The following SNTG1 variants were observed in gnomAD, a reference collection of about 807,000 sequenced individuals.
SNTG1 encodes syntrophin gamma 1, also known as gamma-1-syntrophin.
SNTG1 carries 39 observed loss-of-function variants against 74.7 expected under a neutral mutation model. The observed-to-expected ratio is 0.52, with a 90% CI of 0.40 to 0.68. SNTG1 has a LOEUF of 0.68. Among genes scored for constraint, SNTG1 ranks in the 30% least tolerant of loss-of-function variants. The probability of loss-of-function intolerance (pLI) is 0.00; values close to 1 mark genes in which losing one functional copy is unlikely to be tolerated. For synonymous variants in SNTG1, 254 were observed against 217.1 expected, an observed-to-expected ratio of 1.17 and a Z score of -1.49; for missense variants, 685 against 609.5, an observed-to-expected ratio of 1.12 and a Z score of -1.30.
intron 18 of SNTG1, among the ~76,000 whole-genome samples, chr8:50,765,061 G>A (rs898327873): frequency 1.2e-4 from 18 of 151,944 alleles, no homozygotes; most frequent in African/African-American, 3.4e-4. Context: ...TCAAAACCAT[G>A]GAACTCTCAG....
At chr8:50,553,425 A>G (rs541506738) in intron 12 of SNTG1, among the ~76,000 whole-genome samples, 6 of 152,326 alleles carry the variant, frequency 3.9e-5, no homozygotes, top group African/African-American at 1.2e-4. Context: ...AATGAAAATA[A>G]CTAGTTAGCA....
At chr8:50,306,374 T>C (rs979989135) in intron 2 of SNTG1, among the ~76,000 whole-genome samples, 1 of 152,098 alleles carries the variant, frequency 6.6e-6, no homozygotes, top group African/African-American at 2.4e-5. Flanking sequence ...CATGTGTCTT[T>C]TTCATATAAT....
At chr8:50,024,551 C>T (rs1216000478) in intron 1 of SNTG1, among the ~76,000 whole-genome samples, 1 of 152,130 alleles carries the variant, frequency 6.6e-6, no homozygotes, top group Admixed American at 6.5e-5. Flanking sequence ...GAAACACGTT[C>T]CAGGACTTCC....
intron 12 of SNTG1, among the ~76,000 whole-genome samples, chr8:50,563,355 T>C (rs1563580543): frequency 6.6e-6 from 1 of 152,144 alleles, no homozygotes; most frequent in South Asian, 2.1e-4. Context: ...GAAAAACACA[T>C]TTAGCTACAG....
At chr8:50,045,129 C>A (rs949936159) in intron 1 of SNTG1, among the ~76,000 whole-genome samples, 1 of 152,118 alleles carries the variant, frequency 6.6e-6, no homozygotes, top group African/African-American at 2.4e-5. Flanking sequence ...AGTCAGAAAA[C>A]GTGGGTTGAC....
At chr8:50,247,988 C>T (rs2086476125) in intron 2 of SNTG1, among the ~76,000 whole-genome samples, 1 of 152,070 alleles carries the variant, frequency 6.6e-6, no homozygotes, top group Non-Finnish European at 1.5e-5. Context: ...CTTTCCTTGG[C>T]TTATATATGG....
At position 50,457,397 on chromosome 8, in the gene SNTG1, T is replaced by C. The variant is rs189136929; in HGVS notation, c.363+6668T>C. 2.6e-5 allele frequency among the ~76,000 whole-genome samples: 4 copies of C among 152,306 alleles called. No individual in the cohort carries two copies. The East Asian group carries it at 7.7e-4, about 29-fold the overall frequency. On this transcript the variant is annotated intron_variant, in intron 8 of 18. Coordinates refer to ENST00000642720, the MANE Select transcript of SNTG1 (RefSeq NM_018967.5). ...AGATCTTAATAAGAGGGGAACTCTT[T>C]GTATTCCTGACTCTTTCCGAATTCT...
intron 1 of SNTG1, among the ~76,000 whole-genome samples, chr8:50,006,955 G>A (rs1815298739): frequency 6.6e-6 from 1 of 152,072 alleles, no homozygotes; most frequent in Non-Finnish European, 1.5e-5. Context: ...GGAGTCTTAG[G>A]CCCTAGGGGA....
At chr8:50,397,716 A>G (rs188091041) in intron 3 of SNTG1, among the ~76,000 whole-genome samples, 148 of 152,332 alleles carry the variant, frequency 9.7e-4, no homozygotes, top group Non-Finnish European at 1.5e-3. Context: ...AAAGATGCCA[A>G]TAGCCATGTC....
At chr8:49,960,172 C>T (rs1810550630) in intron 1 of SNTG1, among the ~76,000 whole-genome samples, 1 of 152,092 alleles carries the variant, frequency 6.6e-6, no homozygotes, top group Admixed American at 6.5e-5. Context: ...CCAAACAGAC[C>T]TATATCTAAT....
Position 50,286,872 on chromosome 8 carries a change from C to T in SNTG1, c.-27-107340C>T, listed in dbSNP as rs140428138. On this transcript the variant is annotated intron_variant, in intron 2 of 18. Transcript: ENST00000642720. The stretch of plus-strand genomic sequence containing the variant: ...ACATTGAGGCTTCTGCCCCATGACT[C>T]AGCTGAAGCAGCTCTGATTGAGGTC... 5.3e-5 allele frequency: 8 copies of T among 152,300 alleles called. 1 individual carries two copies. The East Asian group carries it at 1.5e-3, about 29-fold the overall frequency. The allele number at this position is 152,300 out of a possible 1,614,324, so 9.4% of individuals were successfully genotyped here. A position where few individuals can be genotyped will look rare whatever the true frequency, so the allele number is the denominator to read the frequency against.
chr8:50,614,402 A>C (rs1236999103), intron 13 of SNTG1, among the ~76,000 whole-genome samples: 3 of 152,102 alleles, frequency 2.0e-5, no homozygotes, highest in African/African-American at 4.8e-5. Context: ...TACAGTAGCA[A>C]GGAATCAAGA....
chr8:50,691,454 A>C (rs1015237241), intron 15 of SNTG1, among the ~76,000 whole-genome samples: 2 of 152,118 alleles, frequency 1.3e-5, no homozygotes, highest in Admixed American at 6.5e-5. Flanking sequence ...GTGGTGACAA[A>C]GTCTCTCAGC....
At position 50,793,048 on chromosome 8, in the gene SNTG1, C is replaced by A; in HGVS notation, c.*219C>A. On this transcript the variant is annotated 3_prime_UTR_variant, in exon 19 of 19. Coordinates refer to ENST00000642720, the MANE Select transcript of SNTG1 (RefSeq NM_018967.5). ...ATGAACAGAACAGCTTGTTCTCACTCAGTTGCTTTGTACCAGTAAGTGTAT... is the reference window on the plus strand; with the variant it reads ...ATGAACAGAACAGCTTGTTCTCACTAAGTTGCTTTGTACCAGTAAGTGTAT... The A allele has an allele frequency of 2.6e-6, 1 of 381,888 alleles. No homozygotes were observed. The allele number at this position is 381,888 out of a possible 1,614,324, so 23.7% of individuals were successfully genotyped here.
chr8:50,338,794 A>G (rs1399832764), intron 2 of SNTG1, among the ~76,000 whole-genome samples: 1 of 152,156 alleles, frequency 6.6e-6, no homozygotes, highest in South Asian at 2.1e-4. Flanking sequence ...GGAACAATTT[A>G]AAAAGGGGTA....
chr8:50,466,292 T>C (rs559295684), intron 8 of SNTG1, among the ~76,000 whole-genome samples: 2 of 152,222 alleles, frequency 1.3e-5, no homozygotes, highest in African/African-American at 4.8e-5. Context: ...TTCAGCACAT[T>C]TGTCAAAATC....
At chr8:50,424,166 T>G (rs2093132395) in intron 4 of SNTG1, among the ~76,000 whole-genome samples, 1 of 152,166 alleles carries the variant, frequency 6.6e-6, no homozygotes, top group Non-Finnish European at 1.5e-5. Flanking sequence ...GGCATTGCAC[T>G]GCAAATGAAG....
chr8:49,961,087 T>C lies in SNTG1; in HGVS notation c.-103+48856T>C, dbSNP rs147116303. Among the ~76,000 whole-genome samples the C allele has an allele frequency of 1.5e-4, 23 of 152,258 alleles. No homozygotes were observed. The East Asian group carries it at 3.3e-3, about 22-fold the overall frequency. The stretch of plus-strand genomic sequence containing the variant: ...GGGCAAGAATAAAACATATGGACAG[T>C]TGTCAGTGGATCTACAGGTTTAGCT... On this transcript the variant is annotated intron_variant, in intron 1 of 18. Coordinates refer to ENST00000642720, the MANE Select transcript of SNTG1 (RefSeq NM_018967.5).
At chr8:50,256,421 G>C (rs866186941) in intron 2 of SNTG1, among the ~76,000 whole-genome samples, 3 of 151,540 alleles carry the variant, frequency 2.0e-5, no homozygotes, top group Middle Eastern at 3.4e-3. Context: ...AAATATTTAA[G>C]CCTAAACACC....
Sources: allele counts gnomAD v4.1 joint callset (sites outside exome capture counted in the v4.1 genomes callset), GRCh38; gene constraint gnomAD v4.1.1; transcripts MANE v1.5; gene names NCBI Gene and HGNC (gene_info 2026-07-23, HGNC 2026-07-21).